The following VSNL1 variants were observed in gnomAD, a reference collection of about 807,000 sequenced individuals.
VSNL1 encodes the protein visinin like 1.
In VSNL1, 6 loss-of-function variants were observed where a neutral mutation model predicts 20.4. That is an observed-to-expected ratio of 0.29 (90% CI 0.16 to 0.58). VSNL1 has a LOEUF of 0.58. Ranked by LOEUF, VSNL1 falls within the 20% of genes least tolerant of loss-of-function variation. The pLI is 0.90. For missense variants in VSNL1, 100 were observed against 234.5 expected, an observed-to-expected ratio of 0.43 and a Z score of 3.75; for synonymous variants, 93 against 86.4, an observed-to-expected ratio of 1.08 and a Z score of -0.42.
At chr2:17,593,566 T>C (rs572565767) in intron 2 of VSNL1, among the ~76,000 whole-genome samples, 45 of 152,268 alleles carry the variant, frequency 3.0e-4, no homozygotes, top group Admixed American at 2.6e-3. Context: ...GGTATGGCCA[T>C]GTGGTTAGAT....
chr2:17,587,390 C>T (rs1251208352), intron 1 of VSNL1, among the ~76,000 whole-genome samples: 2 of 149,734 alleles, frequency 1.3e-5, no homozygotes, highest in Non-Finnish European at 3.0e-5. Flanking sequence ...CACACACACA[C>T]ACACATATAT....
intron 1 of VSNL1, among the ~76,000 whole-genome samples, chr2:17,572,226 G>A (rs1246070692): frequency 6.6e-6 from 1 of 152,146 alleles, no homozygotes; most frequent in Non-Finnish European, 1.5e-5. Flanking sequence ...ATAGATAGCA[G>A]ATGAATAAAA....
intron 2 of VSNL1, among the ~76,000 whole-genome samples, chr2:17,628,150 C>G (rs1264231221): frequency 6.6e-6 from 1 of 152,200 alleles, no homozygotes; most frequent in African/African-American, 2.4e-5. Flanking sequence ...AAGCTCAAAT[C>G]CAGGCTGGAG....
chr2:17,599,745 G>T (rs548507294), intron 2 of VSNL1, among the ~76,000 whole-genome samples: 16 of 152,276 alleles, frequency 1.1e-4, no homozygotes, highest in Non-Finnish European at 2.1e-4. Context: ...TTCACTTTAA[G>T]CCATAGAGGT....
chr2:17,641,416 A>G (rs1665880391), intron 2 of VSNL1, among the ~76,000 whole-genome samples: 1 of 152,236 alleles, frequency 6.6e-6, no homozygotes. Flanking sequence ...CCAGTCTAGC[A>G]GACTGGCTCT....
In VSNL1 at chr2:17,649,357, C is replaced by T. The variant is rs576495119; in HGVS notation, c.163-53C>T. The T allele has an allele frequency of 3.4e-5, 53 of 1,562,424 alleles. No individual in the cohort carries two copies. Among genetic ancestry groups the T allele is most frequent in the African/African-American group, 1.8e-4 (13 of 73,940 alleles). On this transcript the variant is annotated intron_variant, in intron 2 of 3. Transcript: ENST00000295156. The surrounding 1 kb of genome is among the most constrained non-coding windows in gnomAD (Gnocchi z 6.4). ...TGCCGTCATTAGGAACCTACCTCGT[C>T]GCCCCGATTCCATCCCCTCCCGACA... is the stretch of plus-strand genomic sequence containing the variant.
chr2:17,560,748 G>A (rs1054231048), intron 1 of VSNL1, among the ~76,000 whole-genome samples: 13 of 152,148 alleles, frequency 8.5e-5, no homozygotes, highest in Non-Finnish European at 4.4e-5. Flanking sequence ...TGACTCCATA[G>A]AATTGTAAAC....
chr2:17,603,625 T>C (rs1664881196), intron 2 of VSNL1, among the ~76,000 whole-genome samples: 1 of 152,028 alleles, frequency 6.6e-6, no homozygotes. Context: ...AAGATATGGG[T>C]AGAGCCAGGT....
At chr2:17,604,425 G>A (rs139972929) in intron 2 of VSNL1, among the ~76,000 whole-genome samples, 9 of 152,324 alleles carry the variant, frequency 5.9e-5, no homozygotes, top group African/African-American at 2.2e-4. Flanking sequence ...TGTCATCCCA[G>A]CCAGAGCTGG....
chr2:17,646,751 A>C (rs1666006807), intron 2 of VSNL1, among the ~76,000 whole-genome samples: 2 of 152,242 alleles, frequency 1.3e-5, no homozygotes, highest in Admixed American at 1.3e-4. Flanking sequence ...GTTAAAAAGA[A>C]ATTGAACAAG....
At chr2:17,592,638 CTCTTTTTTTTT>C (rs1664618145) in intron 2 of VSNL1, among the ~76,000 whole-genome samples, 6 of 77,650 alleles carry the variant, frequency 7.7e-5, no homozygotes, top group Admixed American at 1.8e-4. Context: ...CTCTCTCTCT[CTCTTTTTTTTT>C]TTTTTTTTTT....
intron 1 of VSNL1, among the ~76,000 whole-genome samples, chr2:17,552,480 C>T (rs542965491): frequency 1.3e-5 from 2 of 152,082 alleles, no homozygotes; most frequent in South Asian, 2.1e-4. Context: ...TTAGGGAAAG[C>T]GTACATATTT....
At chr2:17,596,434 A>C (rs985057177) in intron 2 of VSNL1, among the ~76,000 whole-genome samples, 21 of 152,220 alleles carry the variant, frequency 1.4e-4, no homozygotes, top group African/African-American at 5.1e-4. Context: ...TTGCAATTTT[A>C]ACTGTATTTT....
chr2:17,633,348 C>CAAAAAAA (rs10706048), intron 2 of VSNL1, among the ~76,000 whole-genome samples: 326 of 50,484 alleles, frequency 6.5e-3, no homozygotes, highest in African/African-American at 0.015. Context: ...ACTAAAAATA[C>CAAAAAAA]AAAAAAAAAA....
intron 1 of VSNL1, among the ~76,000 whole-genome samples, chr2:17,574,822 A>G (rs1664167368): frequency 6.6e-6 from 1 of 152,166 alleles, no homozygotes; most frequent in Non-Finnish European, 1.5e-5. Flanking sequence ...CCTGGAGTGT[A>G]GTGCTGTGAT....
intron 2 of VSNL1, among the ~76,000 whole-genome samples, chr2:17,610,584 T>C (rs1479329688): frequency 1.3e-5 from 2 of 152,162 alleles, no homozygotes; most frequent in Non-Finnish European, 2.9e-5. Flanking sequence ...CAAGGCAAGA[T>C]CCTAGATATT....
At chr2:17,579,463 A>G (rs1485761664) in intron 1 of VSNL1, among the ~76,000 whole-genome samples, 2 of 152,120 alleles carry the variant, frequency 1.3e-5, no homozygotes, top group African/African-American at 2.4e-5. Flanking sequence ...TTCTTTTCTG[A>G]CATTGCCTGG....
chr2:17,624,497 A>ATT lies in VSNL1; in HGVS notation c.163-24913_163-24912insTT, dbSNP rs1665459182. Among the ~76,000 whole-genome samples the ATT allele has an allele frequency of 2.0e-5, 3 of 152,236 alleles. No homozygotes were observed. In the South Asian group the frequency reaches 6.2e-4, roughly 32 times the overall value. On this transcript the variant is annotated intron_variant, in intron 2 of 3. Coordinates refer to ENST00000295156, the MANE Select transcript of VSNL1 (RefSeq NM_003385.5). ...CTAAGGTTACTAATCAGCTAACCTG[A>ATT]ATATAGGGAGAGCATTCTGTATTAT...
chr2:17,640,359 T>C (rs972258578), intron 2 of VSNL1, among the ~76,000 whole-genome samples: 3 of 152,022 alleles, frequency 2.0e-5, no homozygotes, highest in Admixed American at 2.0e-4. Context: ...GCAGAACTGA[T>C]ATTCAATCCC....
Sources: allele counts gnomAD v4.1 joint callset (sites outside exome capture counted in the v4.1 genomes callset), GRCh38; gene constraint gnomAD v4.1.1; non-coding constraint Gnocchi (gnomAD v3.1); transcripts MANE v1.5; gene names NCBI Gene and HGNC (gene_info 2026-07-23, HGNC 2026-07-21).